The following ADGRL3 variants were observed in gnomAD, a reference collection of about 807,000 sequenced individuals.
The protein encoded by ADGRL3 is calcium-independent alpha-latrotoxin receptor 3.
In ADGRL3, 62 loss-of-function variants were observed where a neutral mutation model predicts 153.5. The ratio of observed to expected loss-of-function variants is 0.40; its 90% CI spans 0.33 to 0.50. ADGRL3 has a LOEUF of 0.50. Ranked by LOEUF, ADGRL3 falls within the 20% of genes least tolerant of loss-of-function variation. The pLI is 0.47. For synonymous variants in ADGRL3, 710 were observed against 672.5 expected, an observed-to-expected ratio of 1.06 and a Z score of -0.86; for missense variants, 1,641 against 1,859.4, an observed-to-expected ratio of 0.88 and a Z score of 2.16.
chr4:62,077,689 CT>C lies in ADGRL3; in HGVS notation c.*6782del, dbSNP rs1747584322. 11 of 151,906 alleles carry C rather than the reference CT, an allele frequency of 7.2e-5. 1 individual carries two copies. The South Asian group carries it at 2.1e-3, about 29-fold the overall frequency. The allele number at this position is 151,906 out of a possible 1,614,324, so 9.4% of individuals were successfully genotyped here. On this transcript the variant is annotated 3_prime_UTR_variant, in exon 27 of 27. Coordinates refer to ENST00000683033, the MANE Select transcript of ADGRL3 (RefSeq NM_001387552.1). ...ATGCCCTGAATTTCAAGTTGTCAAA[CT>C]GGTTTACATATTGAATGACATTTTG...
At chr4:61,890,731 G>A (rs1007020861) in intron 9 of ADGRL3, among the ~76,000 whole-genome samples, 3 of 152,130 alleles carry the variant, frequency 2.0e-5, no homozygotes, top group Non-Finnish European at 2.9e-5. Context: ...AACTTTGGGG[G>A]ACGCATTTAA....
At chr4:61,590,763 G>C (rs937531509) in intron 5 of ADGRL3, among the ~76,000 whole-genome samples, 1 of 152,128 alleles carries the variant, frequency 6.6e-6, no homozygotes, top group Non-Finnish European at 1.5e-5. Flanking sequence ...CACTGGAAAG[G>C]AAATCTTAGA....
rs559574887 is a variant in ADGRL3 at position 61,619,017 on chromosome 4, C to T, written c.473+31577C>T. On this transcript the variant is annotated intron_variant, in intron 5 of 26. Transcript: ENST00000683033. Reference sequence around the variant, plus strand: ...ACAGGCATGAGCCACCATGCCAGGTCCCAAGTTTGTGTTTAAGTCACATTT... The same window carrying T: ...ACAGGCATGAGCCACCATGCCAGGTTCCAAGTTTGTGTTTAAGTCACATTT... 1.1e-4 allele frequency among the ~76,000 whole-genome samples: 17 copies of T among 152,252 alleles called. No homozygotes were observed. In the South Asian group the frequency reaches 3.5e-3, roughly 32 times the overall value.
At chr4:61,849,723 A>G (rs1245910603) in intron 9 of ADGRL3, among the ~76,000 whole-genome samples, 1 of 152,114 alleles carries the variant, frequency 6.6e-6, no homozygotes, top group African/African-American at 2.4e-5. Context: ...CTTTCTTACA[A>G]ATATTATGCT....
At position 61,642,446 on chromosome 4, in the gene ADGRL3, T is replaced by A. The variant is rs535286152; in HGVS notation, c.474-34380T>A. On this transcript the variant is annotated intron_variant, in intron 5 of 26. Coordinates refer to ENST00000683033, the MANE Select transcript of ADGRL3 (RefSeq NM_001387552.1). Reference sequence around the variant, plus strand: ...GTCCAAGGTTTAAGTCTTTAATCCATCTTGAATTGATTTTTGTATAAGGTG... The same window carrying A: ...GTCCAAGGTTTAAGTCTTTAATCCAACTTGAATTGATTTTTGTATAAGGTG... Among the ~76,000 whole-genome samples, 399 of 152,294 alleles carry A rather than the reference T, an allele frequency of 2.6e-3. 6 individuals are homozygous for A. Among genetic ancestry groups the A allele is most frequent in the South Asian group, 0.023 (113 of 4,830 alleles).
rs2151777159 is a variant in ADGRL3 at position 62,052,840 on chromosome 4, C to T, written c.3814+8291C>T. On this transcript the variant is annotated intron_variant, in intron 25 of 26. Transcript: ENST00000683033. Reference sequence around the variant, plus strand: ...ATTTGATATTTTTTGAAGCTGTGCCCATTTCTGTCAGGACAATACAGTAAT... The same window carrying T: ...ATTTGATATTTTTTGAAGCTGTGCCTATTTCTGTCAGGACAATACAGTAAT... Among the ~76,000 whole-genome samples, 2 of 151,232 alleles carry T rather than the reference C, an allele frequency of 1.3e-5. 1 individual carries two copies. Among genetic ancestry groups the T allele is most frequent in the South Asian group, 4.2e-4 (2 of 4,812 alleles).
chr4:61,556,528 T>C (rs1052458631), intron 4 of ADGRL3, among the ~76,000 whole-genome samples: 6 of 152,088 alleles, frequency 3.9e-5, no homozygotes, highest in Non-Finnish European at 8.8e-5. Flanking sequence ...AAACATGATT[T>C]GACTTCACTG....
chr4:61,904,115 A>C, intron 11 of ADGRL3, among the ~76,000 whole-genome samples: 1 of 150,618 alleles, frequency 6.6e-6, no homozygotes, highest in Admixed American at 6.6e-5. Context: ...TTTCCTTCCA[A>C]CATTTTTGTT....
chr4:61,305,688 C>T (rs956782707), intron 1 of ADGRL3, among the ~76,000 whole-genome samples: 12 of 151,972 alleles, frequency 7.9e-5, no homozygotes, highest in African/African-American at 2.2e-4. Flanking sequence ...GAAGCCAATA[C>T]GTGAAACTGA....
At chr4:61,212,536 A>G (rs1740593461) in intron 1 of ADGRL3, among the ~76,000 whole-genome samples, 1 of 152,176 alleles carries the variant, frequency 6.6e-6, no homozygotes, top group South Asian at 2.1e-4. Context: ...TACCAAAACC[A>G]GAGACTGAAT....
At chr4:61,980,701 A>G (rs1427376434) in intron 18 of ADGRL3, among the ~76,000 whole-genome samples, 2 of 152,158 alleles carry the variant, frequency 1.3e-5, no homozygotes, top group African/African-American at 2.4e-5. Context: ...TCAGCCTCCC[A>G]AAGTGCTGGG....
At chr4:61,314,038 G>C (rs4241638) in intron 1 of ADGRL3, among the ~76,000 whole-genome samples, 108,335 of 152,006 alleles carry the variant, frequency 0.71, 38,902 homozygotes, top group East Asian at 0.97. Flanking sequence ...TCCACACAGA[G>C]AGTGGCTCCT....
intron 3 of ADGRL3, among the ~76,000 whole-genome samples, chr4:61,508,974 A>T: frequency 6.6e-6 from 1 of 152,046 alleles, no homozygotes; most frequent in Non-Finnish European, 1.5e-5. Flanking sequence ...GATCTTGTGA[A>T]ACTTATTCAC....
At chr4:61,713,063 ATATGTAATGATAAAACTTTATAAT>A (rs756702171) in intron 6 of ADGRL3, among the ~76,000 whole-genome samples, 28 of 152,332 alleles carry the variant, frequency 1.8e-4, no homozygotes, top group Non-Finnish European at 3.4e-4. Context: ...AATTGCATAA[ATATGTAATGATAAAACTTTATAAT>A]TATTTAATTA....
At chr4:61,533,375 A>C (rs956239876) in intron 4 of ADGRL3, among the ~76,000 whole-genome samples, 1 of 152,172 alleles carries the variant, frequency 6.6e-6, no homozygotes, top group African/African-American at 2.4e-5. Context: ...TGTGTGTATG[A>C]GTCCTCATTT....
At chr4:61,818,257 G>A (rs999093188) in intron 9 of ADGRL3, among the ~76,000 whole-genome samples, 10 of 152,100 alleles carry the variant, frequency 6.6e-5, no homozygotes, top group Non-Finnish European at 1.5e-4. Flanking sequence ...CAACCACCAT[G>A]CAGGCCCAAA....
chr4:61,209,470 C>G (rs1323047482), intron 1 of ADGRL3, among the ~76,000 whole-genome samples: 3 of 151,916 alleles, frequency 2.0e-5, no homozygotes, highest in Non-Finnish European at 4.4e-5. Context: ...CCTTGAGTAC[C>G]ATTATTAAGA....
At chr4:61,809,949 G>T (rs114354937) in intron 8 of ADGRL3, among the ~76,000 whole-genome samples, 1 of 151,978 alleles carries the variant, frequency 6.6e-6, no homozygotes, top group Non-Finnish European at 1.5e-5. Context: ...TTAAACAAAC[G>T]AGGAATTTAA....
intron 2 of ADGRL3, among the ~76,000 whole-genome samples, chr4:61,399,972 A>G (rs1309500920): frequency 6.6e-6 from 1 of 151,752 alleles, no homozygotes; most frequent in East Asian, 1.9e-4. Flanking sequence ...GATGAGTACC[A>G]AGGCATATGA....
Sources: gnomAD v4.1 joint callset for allele counts (sites outside exome capture counted in the v4.1 genomes callset) on GRCh38, gnomAD v4.1.1 for gene constraint, MANE v1.5 for transcripts, NCBI Gene and HGNC (gene_info 2026-07-23, HGNC 2026-07-21) for gene names.